The following DDR2 variants were observed in gnomAD, a reference collection of about 807,000 sequenced individuals.
DDR2 encodes the protein discoidin domain-containing receptor 2.
Under a neutral mutation model 94.9 loss-of-function variants are expected in DDR2, and 27 were observed. The observed-to-expected ratio is 0.28, with a 90% CI of 0.21 to 0.39. DDR2 has a LOEUF of 0.39. DDR2 is among the 10% of genes least tolerant of loss of function. The pLI, the probability that DDR2 is intolerant of heterozygous loss-of-function variation, is 1.00. For missense variants in DDR2, 783 were observed against 1,076.0 expected, an observed-to-expected ratio of 0.73 and a Z score of 3.81; for synonymous variants, 382 against 377.2, an observed-to-expected ratio of 1.01 and a Z score of -0.15.
At chr1:162,674,391 C>T (rs369214471) in intron 2 of DDR2, among the ~76,000 whole-genome samples, 121 of 152,232 alleles carry the variant, frequency 7.9e-4, no homozygotes, top group Admixed American at 1.3e-3. Flanking sequence ...TCTTAATTCA[C>T]GGATGGATTA....
At chr1:162,653,029 C>T (rs1018401306) in intron 1 of DDR2, among the ~76,000 whole-genome samples, 2 of 152,100 alleles carry the variant, frequency 1.3e-5, no homozygotes, top group African/African-American at 4.8e-5. Flanking sequence ...TCACTTGAAC[C>T]AAGAGGTGGA....
rs574029531 is a variant in DDR2 at position 162,716,632 on chromosome 1, T to C, written c.-27-2405T>C. On this transcript the variant is annotated intron_variant, in intron 2 of 17. Transcript: ENST00000367921. ...TCACATACCCCTCAGCCCCTCACTA[T>C]GGGGCCATTTAAATCTTCCGTGTTT... Among the ~76,000 whole-genome samples the C allele has an allele frequency of 3.9e-5, 6 of 152,242 alleles. No homozygotes were observed. The East Asian group carries it at 9.7e-4, about 25-fold the overall frequency.
chr1:162,649,824 A>G (rs1657598468), intron 1 of DDR2, among the ~76,000 whole-genome samples: 1 of 152,234 alleles, frequency 6.6e-6, no homozygotes, highest in East Asian at 1.9e-4. Context: ...TTGCTAAGCA[A>G]CACTAATTCC....
intron 6 of DDR2, 67 bp from the exon 7 acceptor site, chr1:162,755,597 C>CTCA (rs1283846226): frequency 1.2e-5 from 17 of 1,448,896 alleles, no homozygotes; most frequent in Non-Finnish European, 1.5e-5. Flanking sequence ...ACCCTTGAAA[C>CTCA]TCACATAGTT....
chr1:162,737,962 G>T (rs941250009), intron 3 of DDR2, among the ~76,000 whole-genome samples: 1 of 151,900 alleles, frequency 6.6e-6, no homozygotes, highest in African/African-American at 2.4e-5. Flanking sequence ...GTCTTCTTTT[G>T]AGAAGTGTCC....
At chr1:162,642,830 G>A (rs1657206981) in intron 1 of DDR2, among the ~76,000 whole-genome samples, 1 of 152,016 alleles carries the variant, frequency 6.6e-6, no homozygotes, top group East Asian at 1.9e-4. Context: ...ATTTGTTAAA[G>A]CTTTTAAGAA....
In DDR2 at chr1:162,661,597, A is replaced by G. The variant is rs528023478; in HGVS notation, c.-28+6223A>G. ...AGACAGAAGGCAGAGACTTAGGCCA[A>G]GGATCAGGAAATACAGAAGAGAAGC... On this transcript the variant is annotated intron_variant, in intron 2 of 17. Coordinates refer to ENST00000367921, the MANE Select transcript of DDR2 (RefSeq NM_006182.4). 1.7e-4 allele frequency among the ~76,000 whole-genome samples: 26 copies of G among 152,348 alleles called. No individual in the cohort carries two copies. The South Asian group carries it at 5.0e-3, about 29-fold the overall frequency.
chr1:162,677,950 AT>A (rs939281090), intron 2 of DDR2, among the ~76,000 whole-genome samples: 17 of 151,068 alleles, frequency 1.1e-4, no homozygotes, highest in Non-Finnish European at 2.1e-4. Context: ...TTTATTTTTT[AT>A]TTTTTTTTAT....
chr1:162,718,619 T>G (rs552853880), intron 2 of DDR2, among the ~76,000 whole-genome samples: 1 of 152,306 alleles, frequency 6.6e-6, no homozygotes, highest in African/African-American at 2.4e-5. Context: ...AATATTGAAC[T>G]TATATGTTTT....
chr1:162,777,389 A>G (rs934507167), intron 16 of DDR2, among the ~76,000 whole-genome samples: 6 of 152,226 alleles, frequency 3.9e-5, no homozygotes, highest in African/African-American at 1.4e-4. Flanking sequence ...CCATGTGTAG[A>G]TATATACTAT....
At chr1:162,650,631 C>T (rs563757423) in intron 1 of DDR2, among the ~76,000 whole-genome samples, 2 of 152,234 alleles carry the variant, frequency 1.3e-5, no homozygotes, top group East Asian at 3.9e-4. Context: ...TAACTATGTG[C>T]TCCTGGTCAC....
rs760669535 is a variant in DDR2, at chr1:162,776,360, G to A, written c.2273G>A (p.Ser758Asn). The A allele has an allele frequency of 6.2e-7, 1 of 1,614,054 alleles. No individual in the cohort carries two copies. The highest frequency in any genetic ancestry group is 1.1e-5 in the South Asian group (1 of 91,086). The change falls in exon 16 of 18, where the codon AGT (serine) becomes AAT (asparagine). Residue 758 changes from serine to asparagine, a missense_variant. By Grantham distance (46) the Ser-to-Asn change is conservative (BLOSUM62 1). Transcript: ENST00000367921. ...VLPIRWMSWE[S>N]ILLGKFTTAS... ...CCTATCCGCTGGATGTCTTGGGAGAGTATCTTGCTGGTAAGTTCTCAGCAT... is the reference window on the plus strand; with the variant it reads ...CCTATCCGCTGGATGTCTTGGGAGAATATCTTGCTGGTAAGTTCTCAGCAT...
chr1:162,648,399 C>G (rs954752806), intron 1 of DDR2, among the ~76,000 whole-genome samples: 1 of 152,000 alleles, frequency 6.6e-6, no homozygotes, highest in Non-Finnish European at 1.5e-5. Context: ...GGGATATTTG[C>G]CTTGGGGAGC....
intron 10 of DDR2, 61 bp downstream of exon 10, chr1:162,766,124 G>C: frequency 2.5e-6 from 4 of 1,579,854 alleles, no homozygotes; most frequent in Non-Finnish European, 3.5e-6. Flanking sequence ...GATGAAGAAG[G>C]GTGGAGAGTT....
intron 3 of DDR2, among the ~76,000 whole-genome samples, chr1:162,743,148 G>T (rs1662691832): frequency 6.6e-6 from 1 of 152,144 alleles, no homozygotes; most frequent in Admixed American, 6.6e-5. Flanking sequence ...GTTTCTGGAA[G>T]TATCAGCTAA....
At chr1:162,705,793 T>G (rs1660633879) in intron 2 of DDR2, among the ~76,000 whole-genome samples, 1 of 152,242 alleles carries the variant, frequency 6.6e-6, no homozygotes, top group African/African-American at 2.4e-5. Context: ...GCTTCTGTTC[T>G]CTTCACTTGT....
At chr1:162,760,939 A>G (rs1234121403) in intron 8 of DDR2, among the ~76,000 whole-genome samples, 10 of 151,938 alleles carry the variant, frequency 6.6e-5, no homozygotes, top group Admixed American at 6.6e-4. Flanking sequence ...ATGTGAGAAT[A>G]TGTGTATTCT....
chr1:162,770,040 C>CT (rs372646707), intron 11 of DDR2, among the ~76,000 whole-genome samples: 234 of 149,518 alleles, frequency 1.6e-3, no homozygotes, highest in Admixed American at 2.9e-3. Context: ...GGGAGATAAT[C>CT]TTTTTTTTTT....
At chr1:162,639,908 A>G (rs554397250) in intron 1 of DDR2, among the ~76,000 whole-genome samples, 23 of 152,150 alleles carry the variant, frequency 1.5e-4, no homozygotes, top group Non-Finnish European at 2.9e-4. Context: ...TTGAACACAG[A>G]GGATTTTTAG....
Sources: allele counts gnomAD v4.1 joint callset (sites outside exome capture counted in the v4.1 genomes callset), GRCh38; gene constraint gnomAD v4.1.1; transcripts MANE v1.5; gene names NCBI Gene and HGNC (gene_info 2026-07-23, HGNC 2026-07-21).